Variants in SETBP1 observed in about 807,000 individuals in gnomAD.
SETBP1 encodes SET-binding protein.
In SETBP1, 9 loss-of-function variants were observed where a neutral mutation model predicts 101.0. That is an observed-to-expected ratio of 0.09 (90% confidence interval 0.05 to 0.16). SETBP1 has a LOEUF of 0.16. Among genes scored for constraint, SETBP1 ranks in the 10% least tolerant of loss-of-function variants. SETBP1 has a pLI of 1.00. For missense variants in SETBP1, 1,858 were observed against 2,033.8 expected (o/e 0.91, Z 1.66); for synonymous variants, 818 against 788.5 (o/e 1.04, Z -0.63).
chr18:44,962,939 A>C lies in SETBP1; in HGVS notation c.4000+9599A>C, dbSNP rs139214051. ...CTTTCCCTGAGGCTACATCACAGTC[A>C]TCCCATACATCTGAACAGGGTGTTA... On this transcript the variant is annotated intron_variant, in intron 4 of 5. Transcript: ENST00000649279. Among the ~76,000 whole-genome samples the C allele has an allele frequency of 3.4e-3, 522 of 152,276 alleles. 3 individuals carry two copies. The highest frequency in any genetic ancestry group is 0.012 in the African/African-American group (496 of 41,550).
intron 3 of SETBP1, chr18:44,870,650 G>T (rs34535142): frequency 6.6e-6 from 1 of 151,808 alleles, no homozygotes; most frequent in African/African-American, 2.4e-5. Flanking sequence ...AACATTTACC[G>T]CCTACCCCAC....
At chr18:44,984,160 T>C (rs1426066988) in intron 4 of SETBP1, among the ~76,000 whole-genome samples, 5 of 152,148 alleles carry the variant, frequency 3.3e-5, no homozygotes, top group Non-Finnish European at 7.3e-5. Flanking sequence ...GAGGTTGCAC[T>C]CTAGCCTGGG....
At chr18:44,710,187 T>C (rs960560208) in intron 2 of SETBP1, among the ~76,000 whole-genome samples, 1 of 152,186 alleles carries the variant, frequency 6.6e-6, no homozygotes, top group Non-Finnish European at 1.5e-5. Context: ...CATCTTTGAC[T>C]TTTCTGATTC....
At chr18:44,884,456 C>G (rs961377685) in intron 3 of SETBP1, among the ~76,000 whole-genome samples, 2 of 152,180 alleles carry the variant, frequency 1.3e-5, no homozygotes, top group African/African-American at 4.8e-5. Context: ...GCTTTTGCCA[C>G]TTTTGCCTGG....
At chr18:45,001,054 A>G (rs1429573335) in intron 4 of SETBP1, among the ~76,000 whole-genome samples, 1 of 149,406 alleles carries the variant, frequency 6.7e-6, no homozygotes, top group African/African-American at 2.5e-5. Context: ...CCATTTGCTC[A>G]TTCATTCATT....
intron 4 of SETBP1, among the ~76,000 whole-genome samples, chr18:44,959,559 C>G (rs2071565569): frequency 6.6e-6 from 1 of 152,054 alleles, no homozygotes; most frequent in Non-Finnish European, 1.5e-5. Context: ...GACTACAATC[C>G]AGGAGGACCT....
intron 1 of SETBP1, among the ~76,000 whole-genome samples, chr18:44,685,650 G>A (rs1157194336): frequency 1.3e-5 from 2 of 152,114 alleles, no homozygotes; most frequent in East Asian, 1.9e-4. Context: ...CCTACTTCAC[G>A]GGGGTTATGA....
chr18:44,824,303 G>A (rs1426103823), intron 2 of SETBP1, among the ~76,000 whole-genome samples: 21 of 152,114 alleles, frequency 1.4e-4, no homozygotes, highest in South Asian at 2.1e-4. Context: ...CTGAGAGTTC[G>A]GTGGTGCCCA....
At chr18:45,017,832 G>A (rs898804075) in intron 4 of SETBP1, among the ~76,000 whole-genome samples, 10 of 152,178 alleles carry the variant, frequency 6.6e-5, no homozygotes, top group Non-Finnish European at 1.2e-4. Flanking sequence ...ACTTTAGCAC[G>A]TTCCCTAATG....
At chr18:44,846,996 C>T (rs2120314) in intron 2 of SETBP1, among the ~76,000 whole-genome samples, 18,287 of 152,018 alleles carry the variant, frequency 0.12, 1,433 homozygotes, top group African/African-American at 0.22. Flanking sequence ...GGGGTGGTCC[C>T]GGTCACGCAA....
intron 2 of SETBP1, among the ~76,000 whole-genome samples, chr18:44,763,202 T>G (rs2070696171): frequency 6.6e-6 from 1 of 152,092 alleles, no homozygotes; most frequent in Non-Finnish European, 1.5e-5. Context: ...GAGGGAACAA[T>G]GAGTAACTAC....
chr18:44,951,707 C>T lies in SETBP1; in HGVS notation c.2367C>T (p.Asn789=), dbSNP rs1317350110. The change falls in exon 4 of 6, where the codon AAC becomes AAT. Residue 789 remains asparagine (N), a synonymous_variant. Coordinates refer to ENST00000649279, the MANE Select transcript of SETBP1 (RefSeq NM_015559.3). This position sits in a 1 kb window ranked among gnomAD's most constrained non-coding sequence, Gnocchi z 7.8. ...CACAGTTAGGTGGGTCCAATGGCAA[C>T]CTGAGCCCTGCCAGCACTGAAACCA... ...LSTQLGGSNG[N]LSPASTETNF... is the part of the protein sequence containing the mutation. The T allele has an allele frequency of 1.2e-6, 2 of 1,614,168 alleles. No individual in the cohort carries two copies. The highest frequency in any genetic ancestry group is 2.2e-5 in the East Asian group (1 of 44,868).
chr18:45,044,995 G>A (rs1245463522), intron 5 of SETBP1, among the ~76,000 whole-genome samples: 2 of 152,178 alleles, frequency 1.3e-5, no homozygotes, highest in East Asian at 3.9e-4. Flanking sequence ...ATAAAAGCTG[G>A]CAGATTGGCC....
chr18:44,926,370 G>T (rs891020757), intron 3 of SETBP1, among the ~76,000 whole-genome samples: 2 of 152,168 alleles, frequency 1.3e-5, no homozygotes, highest in African/African-American at 4.8e-5. Flanking sequence ...CTTCCATAAG[G>T]CCACAGAAGA....
intron 4 of SETBP1, among the ~76,000 whole-genome samples, chr18:44,957,156 A>T (rs1475138631): frequency 6.6e-6 from 1 of 152,118 alleles, no homozygotes; most frequent in Non-Finnish European, 1.5e-5. Context: ...GCACACTAAC[A>T]TTTAGCAGAG....
intron 2 of SETBP1, among the ~76,000 whole-genome samples, chr18:44,803,262 T>C (rs1251008644): frequency 6.6e-6 from 1 of 152,182 alleles, no homozygotes; most frequent in Non-Finnish European, 1.5e-5. Flanking sequence ...CCTTTGTATA[T>C]AAACACAGTG....
At chr18:45,042,255 T>C (rs2073524908) in intron 5 of SETBP1, among the ~76,000 whole-genome samples, 1 of 151,418 alleles carries the variant, frequency 6.6e-6, no homozygotes, top group Non-Finnish European at 1.5e-5. Context: ...ATTCAAGCGA[T>C]TCTCCTGCCT....
At chr18:45,036,557 G>T (rs1264258443) in intron 4 of SETBP1, among the ~76,000 whole-genome samples, 1 of 152,176 alleles carries the variant, frequency 6.6e-6, no homozygotes, top group African/African-American at 2.4e-5. Context: ...CTAGTTTCTT[G>T]ATGGTTGTGC....
intron 1 of SETBP1, among the ~76,000 whole-genome samples, chr18:44,699,512 A>T (rs1307139133): frequency 6.6e-6 from 1 of 152,252 alleles, no homozygotes; most frequent in African/African-American, 2.4e-5. Context: ...ATCAAGTGTC[A>T]TCTGGTCTAA....
Sources: allele counts gnomAD v4.1 joint callset (sites outside exome capture counted in the v4.1 genomes callset), GRCh38; gene constraint gnomAD v4.1.1; non-coding constraint Gnocchi (gnomAD v3.1); transcripts MANE v1.5; gene names NCBI Gene and HGNC (gene_info 2026-07-23, HGNC 2026-07-21).